The following THEMIS variants were observed in gnomAD, a reference collection of about 807,000 sequenced individuals.
THEMIS encodes the protein thymocyte selection associated.
THEMIS carries 37 observed loss-of-function variants against 52.6 expected under a neutral mutation model. The ratio of observed to expected loss-of-function variants is 0.70; its 90% CI spans 0.54 to 0.93. THEMIS has a LOEUF of 0.93. THEMIS is among the 40% of genes least tolerant of loss of function. The pLI is 0.00. For missense variants in THEMIS, 808 were observed against 763.1 expected (o/e 1.06, Z -0.69); for synonymous variants, 292 against 272.7 (o/e 1.07, Z -0.70).
chr6:127,762,190 T>G (rs530275979), intron 4 of THEMIS, among the ~76,000 whole-genome samples: 4 of 152,222 alleles, frequency 2.6e-5, no homozygotes, highest in African/African-American at 9.6e-5. Flanking sequence ...TATTATATGA[T>G]GTATCTAAAA....
chr6:127,736,135 G>T (rs962901269), intron 4 of THEMIS, among the ~76,000 whole-genome samples: 4 of 152,068 alleles, frequency 2.6e-5, no homozygotes, highest in African/African-American at 7.2e-5. Context: ...ACCTATATCT[G>T]AAATTCTCAC....
rs540617116 is a variant in THEMIS, at chr6:127,911,019, G to A, written c.-150+7409C>T. Among the ~76,000 whole-genome samples, 335 of 152,074 alleles carry A rather than the reference G, an allele frequency of 2.2e-3. 1 individual carries two copies. Among genetic ancestry groups the A allele is most frequent in the Middle Eastern group, 0.01 (3 of 294 alleles). On this transcript the variant is annotated intron_variant, in intron 1 of 6. Transcript: ENST00000368250. The stretch of plus-strand genomic sequence containing the variant: ...AATGTGCCTCAATTTCAGTCTGTCT[G>A]ATGTTTTTCTCATGGTTCACCTTGG...
chr6:127,827,745 C>G (rs778910901), intron 3 of THEMIS, among the ~76,000 whole-genome samples: 4 of 152,174 alleles, frequency 2.6e-5, no homozygotes, highest in African/African-American at 7.2e-5. Context: ...CTATGATTCT[C>G]TGTCTTTCCC....
intron 1 of THEMIS, among the ~76,000 whole-genome samples, chr6:127,900,173 G>A (rs1053098837): frequency 1.3e-5 from 2 of 151,704 alleles, no homozygotes; most frequent in African/African-American, 4.8e-5. Context: ...ATTCTAGGTT[G>A]TATATTGGAG....
At chr6:127,750,112 CTG>C (rs971523192) in intron 4 of THEMIS, among the ~76,000 whole-genome samples, 1 of 150,648 alleles carries the variant, frequency 6.6e-6, no homozygotes, top group African/African-American at 2.4e-5. Context: ...TATCACACCT[CTG>C]TGCAGGTCTC....
intron 3 of THEMIS, among the ~76,000 whole-genome samples, chr6:127,815,360 A>C (rs1778091163): frequency 1.3e-5 from 2 of 152,102 alleles, no homozygotes; most frequent in African/African-American, 4.8e-5. Flanking sequence ...TATTTAGAAG[A>C]CAGAATATCC....
At chr6:127,868,594 C>T (rs1780057097) in intron 1 of THEMIS, 1 of 358,930 alleles carries the variant, frequency 2.8e-6, no homozygotes, top group Non-Finnish European at 3.9e-6. Context: ...ATAGCTTTGG[C>T]TGGTGATATC....
chr6:127,778,658 A>G (rs990431716), intron 4 of THEMIS, among the ~76,000 whole-genome samples: 2 of 152,118 alleles, frequency 1.3e-5, no homozygotes, highest in African/African-American at 2.4e-5. Flanking sequence ...CTTTTTTGTC[A>G]TATATAAGCC....
intron 3 of THEMIS, among the ~76,000 whole-genome samples, chr6:127,821,811 A>T (rs1778350590): frequency 6.6e-6 from 1 of 152,142 alleles, no homozygotes; most frequent in Middle Eastern, 3.4e-3. Flanking sequence ...TTTAATATTC[A>T]ATTCTAGAAC....
intron 1 of THEMIS, among the ~76,000 whole-genome samples, chr6:127,878,365 C>G (rs1227247954): frequency 6.6e-6 from 1 of 151,878 alleles, no homozygotes; most frequent in Admixed American, 6.6e-5. Flanking sequence ...ACTTTTCAGG[C>G]AAGGTACTGT....
chr6:127,917,185 C>G (rs1162237476), intron 1 of THEMIS, among the ~76,000 whole-genome samples: 1 of 152,150 alleles, frequency 6.6e-6, no homozygotes, highest in Admixed American at 6.5e-5. Context: ...CAAACTATAG[C>G]AGAAAGATTA....
At chr6:127,893,680 A>G (rs1780878473) in intron 1 of THEMIS, among the ~76,000 whole-genome samples, 2 of 152,108 alleles carry the variant, frequency 1.3e-5, no homozygotes, top group Admixed American at 6.6e-5. Flanking sequence ...CGAGTATTCA[A>G]TCCAATACTA....
At chr6:127,890,987 C>T (rs888402661) in intron 1 of THEMIS, among the ~76,000 whole-genome samples, 3 of 152,064 alleles carry the variant, frequency 2.0e-5, no homozygotes, top group Non-Finnish European at 4.4e-5. Context: ...ATTCCAACCA[C>T]AAGCATCCTC....
rs1777979871 is a variant in THEMIS, at chr6:127,813,162, A to G, written c.1479T>C (p.Ser493=). 3 of 1,614,016 alleles carry G rather than the reference A, an allele frequency of 1.9e-6. No individual in the cohort carries two copies. Among genetic ancestry groups the G allele is most frequent in the Non-Finnish European group, 2.5e-6 (3 of 1,180,034 alleles). The stretch of plus-strand genomic sequence containing the variant: ...AGCACTCCGTGGGGTTGGCAAAGTC[A>G]CTTATGAGTAGGTAAGAGTCTGTAA... ...EDITDSYLLI[S]DFANPTECWE... is the part of the protein sequence containing the mutation. The change falls in exon 4 of 6, where the codon AGT becomes AGC. Residue 493 remains serine, a synonymous_variant. Coordinates refer to ENST00000368248, the MANE Select transcript of THEMIS (RefSeq NM_001010923.3).
intron 1 of THEMIS, among the ~76,000 whole-genome samples, chr6:127,895,980 C>G (rs1780954594): frequency 6.6e-6 from 1 of 151,160 alleles, no homozygotes; most frequent in Admixed American, 6.6e-5. Context: ...AAATAGTAAG[C>G]CAAATTCAGT....
intron 1 of THEMIS, among the ~76,000 whole-genome samples, chr6:127,914,046 A>G (rs1012403841): frequency 6.6e-6 from 1 of 152,212 alleles, no homozygotes; most frequent in African/African-American, 2.4e-5. Context: ...ATGGGGCCCA[A>G]GTTTAAATAC....
At chr6:127,843,234 C>G (rs529051145) in intron 2 of THEMIS, among the ~76,000 whole-genome samples, 1 of 151,528 alleles carries the variant, frequency 6.6e-6, no homozygotes. Flanking sequence ...TAGAAAAATT[C>G]CTTATTATGG....
At chr6:127,857,609 A>C (rs557597284) in intron 1 of THEMIS, among the ~76,000 whole-genome samples, 2 of 152,194 alleles carry the variant, frequency 1.3e-5, no homozygotes, top group South Asian at 4.1e-4. Context: ...ATCATGGTCC[A>C]AAAACACATT....
intron 4 of THEMIS, among the ~76,000 whole-genome samples, chr6:127,807,564 T>C (rs1035468407): frequency 6.6e-6 from 1 of 152,152 alleles, no homozygotes; most frequent in Non-Finnish European, 1.5e-5. Context: ...GTTGGGTCTT[T>C]GAAAAACTCT....
Sources: allele counts gnomAD v4.1 joint callset (sites outside exome capture counted in the v4.1 genomes callset), GRCh38; gene constraint gnomAD v4.1.1; transcripts MANE v1.5; gene names NCBI Gene and HGNC (gene_info 2026-07-23, HGNC 2026-07-21).